The following PDE1C variants were observed in gnomAD, a reference collection of about 807,000 sequenced individuals.
The protein encoded by PDE1C is dual specificity calcium/calmodulin-dependent 3',5'-cyclic nucleotide phosphodiesterase 1C.
Under a neutral mutation model 93.1 loss-of-function variants are expected in PDE1C, and 62 were observed. That is an observed-to-expected ratio of 0.67 (90% CI 0.54 to 0.82). PDE1C has a LOEUF of 0.82. PDE1C is among the 40% of genes least tolerant of loss of function. The pLI, the probability that PDE1C is intolerant of heterozygous loss-of-function variation, is 0.00. For missense variants in PDE1C, 742 were observed against 884.6 expected (o/e 0.84, Z 2.04); for synonymous variants, 325 against 310.1 (o/e 1.05, Z -0.50).
At chr7:32,217,547 G>A (rs935808443) in intron 1 of PDE1C, among the ~76,000 whole-genome samples, 2 of 152,328 alleles carry the variant, frequency 1.3e-5, no homozygotes, top group East Asian at 1.9e-4. Flanking sequence ...TATCTCTGGC[G>A]ATGGCTGAAT....
intron 6 of PDE1C, among the ~76,000 whole-genome samples, chr7:31,866,047 C>T (rs531971908): frequency 3.0e-4 from 45 of 152,040 alleles, no homozygotes; most frequent in African/African-American, 9.9e-4. Context: ...TATGTAACAG[C>T]GAAGAACATT....
rs1341445101 is a variant in PDE1C at position 31,848,112 on chromosome 7, AG to A, written c.852-17del. 4.3e-6 allele frequency: 7 copies of A among 1,610,638 alleles called. No individual in the cohort carries two copies. In the African/African-American group the frequency reaches 9.3e-5, roughly 21 times the overall value. Reference sequence around the variant, plus strand: ...TGGATCAGACCTGAACAGAAAGCCAAGCAAAATTCAGAATGTTAAACAGTTG... The same window carrying A: ...TGGATCAGACCTGAACAGAAAGCCAACAAAATTCAGAATGTTAAACAGTTG... On this transcript the variant is annotated splice_polypyrimidine_tract_variant and intron_variant, in intron 8 of 17. Transcript: ENST00000396191.
chr7:31,830,516 T>C (rs1381884621), intron 11 of PDE1C, among the ~76,000 whole-genome samples: 1 of 152,172 alleles, frequency 6.6e-6, no homozygotes, highest in Non-Finnish European at 1.5e-5. Context: ...AATGAATATT[T>C]GTTGAATAAA....
the PDE1C span, among the ~76,000 whole-genome samples, chr7:31,721,823 ACCT>A: frequency 6.6e-6 from 1 of 152,186 alleles, no homozygotes; most frequent in African/African-American, 2.4e-5. Context: ...AGAAGGCTGA[ACCT>A]AAAGGGGCTG....
chr7:31,788,581 T>C (rs1213455046), intron 16 of PDE1C: 1 of 152,138 alleles, frequency 6.6e-6, no homozygotes, highest in African/African-American at 2.4e-5. Context: ...CTCCTTCCTG[T>C]CTTGCTGATA....
chr7:31,655,866 G>A, the PDE1C span: 14 of 985,268 alleles, frequency 1.4e-5, no homozygotes, highest in South Asian at 9.4e-5. Context: ...TAACGCCTAC[G>A]GAATGAAGAG....
At position 32,420,118 on chromosome 7, in the gene PDE1C, TATATATACACACACACACACACAC is replaced by T. The variant is rs1316060726; in HGVS notation, c.310+7680_310+7703del. 5.2e-3 allele frequency among the ~76,000 whole-genome samples: 125 copies of T among 24,176 alleles called. 16 individuals carry two copies. The highest frequency in any genetic ancestry group is 8.4e-3 in the Non-Finnish European group (95 of 11,372). The allele number at this position is 24,176 out of a possible 152,430, so 15.9% of individuals were successfully genotyped here. A position where few individuals can be genotyped will look rare whatever the true frequency, so the allele number is the denominator to read the frequency against. On this transcript the variant is annotated intron_variant, in intron 1 of 1. Coordinates refer to the PDE1C transcript ENST00000672256. The stretch of plus-strand genomic sequence containing the variant: ...ATATATATATATATATATATATATA[TATATATACACACACACACACACAC>T]ACACACACACACACACATATATATG...
At chr7:32,062,971 C>T (rs1205564938) in intron 1 of PDE1C, among the ~76,000 whole-genome samples, 1 of 152,180 alleles carries the variant, frequency 6.6e-6, no homozygotes, top group Non-Finnish European at 1.5e-5. Flanking sequence ...AAGCTAGGAA[C>T]ATCTAGCTTT....
At chr7:31,651,310 C>T in the PDE1C span, 14 of 1,601,736 alleles carry the variant, frequency 8.7e-6, no homozygotes, top group African/African-American at 4.0e-5. Flanking sequence ...TACCAGCCCA[C>T]ACACCTGGAG....
chr7:32,025,093 GC>G (rs1789238237), intron 2 of PDE1C, among the ~76,000 whole-genome samples: 1 of 152,054 alleles, frequency 6.6e-6, no homozygotes, highest in Admixed American at 6.6e-5. Context: ...ATCCCTTCAT[GC>G]CGACCCCCAG....
At chr7:31,678,322 T>C in the PDE1C span, among the ~76,000 whole-genome samples, 1 of 152,172 alleles carries the variant, frequency 6.6e-6, no homozygotes, top group Non-Finnish European at 1.5e-5. Context: ...TTCCAGATAG[T>C]AGATCATATC....
chr7:32,076,098 C>A (rs913840738), upstream of PDE1C, among the ~76,000 whole-genome samples: 9 of 152,092 alleles, frequency 5.9e-5, no homozygotes, highest in South Asian at 2.1e-4. Context: ...CCCCCGCAGG[C>A]CAGATTTGAC....
chr7:31,642,428 G>T, the PDE1C span, among the ~76,000 whole-genome samples: 2 of 152,162 alleles, frequency 1.3e-5, no homozygotes, highest in African/African-American at 4.8e-5. Flanking sequence ...GCACCCAAGG[G>T]GCAGAGGATG....
At chr7:31,702,658 C>T in the PDE1C span, among the ~76,000 whole-genome samples, 13 of 152,270 alleles carry the variant, frequency 8.5e-5, no homozygotes, top group South Asian at 1.2e-3. Context: ...CCTGTATTGT[C>T]GCTGCTGCTT....
intron 2 of PDE1C, among the ~76,000 whole-genome samples, chr7:32,010,745 T>C (rs1430110276): frequency 6.6e-6 from 1 of 152,228 alleles, no homozygotes; most frequent in African/African-American, 2.4e-5. Flanking sequence ...CAGGCCTCTC[T>C]CCTTGGCTTG....
chr7:32,283,843 C>G (rs540153156), intron 1 of PDE1C, among the ~76,000 whole-genome samples: 2 of 152,188 alleles, frequency 1.3e-5, no homozygotes, highest in South Asian at 4.1e-4. Flanking sequence ...AATTTGAAAA[C>G]AGCCATACCG....
At chr7:32,389,202 TTTTGTTTG>T (rs3079686) in intron 1 of PDE1C, among the ~76,000 whole-genome samples, 13,440 of 135,178 alleles carry the variant, frequency 0.099, 846 homozygotes, top group African/African-American at 0.16. Flanking sequence ...TTTTTTTGGT[TTTTGTTTG>T]TTTGTTTGTT....
chr7:32,108,115 G>T (rs922045140), intron 3 of PDE1C, among the ~76,000 whole-genome samples: 3 of 150,260 alleles, frequency 2.0e-5, no homozygotes, highest in African/African-American at 7.3e-5. Flanking sequence ...TTATAGAAAA[G>T]AGTTACAAAT....
At position 32,209,417 on chromosome 7, in the gene PDE1C, G is replaced by T; in HGVS notation, c.136+72C>A. On this transcript the variant is annotated intron_variant, in intron 2 of 18. Coordinates refer to the PDE1C transcript ENST00000396193. Reference sequence around the variant, plus strand: ...CCTGACAGAATTGAAGAGCTATACCGCATGGGGGAAAGATCTCTGGAGAAC... The same window carrying T: ...CCTGACAGAATTGAAGAGCTATACCTCATGGGGGAAAGATCTCTGGAGAAC... 4.1e-6 allele frequency: 5 copies of T among 1,206,860 alleles called. No individual in the cohort carries two copies. The South Asian group carries it at 5.6e-5, about 14-fold the overall frequency. 74.8% of individuals were successfully genotyped at this position (1,206,860 alleles called of 1,614,324 possible).
Sources: allele counts gnomAD v4.1 joint callset (sites outside exome capture counted in the v4.1 genomes callset), GRCh38; gene constraint gnomAD v4.1.1; transcripts MANE v1.5; gene names NCBI Gene and HGNC (gene_info 2026-07-23, HGNC 2026-07-21).